The following SCAI variants were observed in gnomAD, a reference collection of about 807,000 sequenced individuals.
The protein encoded by SCAI is suppressor of cancer cell invasion, also known as protein SCAI.
Under a neutral mutation model 92.2 loss-of-function variants are expected in SCAI, and 24 were observed. The observed-to-expected ratio is 0.26, with a 90% CI of 0.19 to 0.37. SCAI has a LOEUF of 0.37. Among genes scored for constraint, SCAI ranks in the 10% least tolerant of loss-of-function variants. The pLI, the probability that SCAI is intolerant of heterozygous loss-of-function variation, is 1.00. For synonymous variants in SCAI, 261 were observed against 258.6 expected (o/e 1.01, Z -0.09); for missense variants, 450 against 736.2 (o/e 0.61, Z 4.50).
At chr9:125,143,288 G>A (rs1434525034) in intron 1 of SCAI, 97 bp downstream of exon 1, 2 of 698,916 alleles carry the variant, frequency 2.9e-6, no homozygotes, top group East Asian at 3.6e-5. Flanking sequence ...TCCGGTCTCT[G>A]CGCCCCGAAT....
chr9:125,112,680 T>A (rs1476453168), intron 2 of SCAI, among the ~76,000 whole-genome samples: 1 of 152,168 alleles, frequency 6.6e-6, no homozygotes, highest in Admixed American at 6.5e-5. Context: ...CAAACACACC[T>A]AACACCTAGC....
intron 3 of SCAI, among the ~76,000 whole-genome samples, chr9:125,035,425 G>T (rs1225882857): frequency 6.6e-6 from 1 of 152,106 alleles, no homozygotes; most frequent in Non-Finnish European, 1.5e-5. Context: ...TAGTGGGAAT[G>T]AAAATTTACC....
chr9:125,004,758 TATATATATATA>T (rs1832450131), intron 9 of SCAI, among the ~76,000 whole-genome samples: 4 of 10,038 alleles, frequency 4.0e-4, no homozygotes, highest in Non-Finnish European at 1.1e-3. Flanking sequence ...TATATATATA[TATATATATATA>T]TATATATATA....
chr9:125,089,162 T>C (rs1239029224), intron 2 of SCAI, among the ~76,000 whole-genome samples: 2 of 152,224 alleles, frequency 1.3e-5, no homozygotes, highest in African/African-American at 2.4e-5. Flanking sequence ...TCTTTTCTTA[T>C]TCTTAATTCA....
intron 2 of SCAI, among the ~76,000 whole-genome samples, chr9:125,092,025 G>C (rs973709070): frequency 2.0e-5 from 3 of 151,434 alleles, no homozygotes; most frequent in African/African-American, 7.3e-5. Context: ...AGCTACTTGG[G>C]AGGCTGAGGC....
intron 2 of SCAI, among the ~76,000 whole-genome samples, chr9:125,102,448 C>T (rs1029763958): frequency 3.9e-5 from 6 of 152,120 alleles, no homozygotes; most frequent in Non-Finnish European, 8.8e-5. Context: ...AGATCAGCTG[C>T]TCCTCCAGCC....
intron 2 of SCAI, among the ~76,000 whole-genome samples, chr9:125,113,099 T>C (rs759518627): frequency 3.9e-5 from 6 of 152,244 alleles, no homozygotes; most frequent in Middle Eastern, 3.2e-3. Context: ...ACTCTTTAAG[T>C]GTGCACTGTG....
intron 2 of SCAI, among the ~76,000 whole-genome samples, chr9:125,126,132 A>C (rs73666677): frequency 0.022 from 3,348 of 152,286 alleles, 126 homozygotes; most frequent in African/African-American, 0.076. Context: ...GGCTTGGACT[A>C]TAGTCATCCT....
chr9:125,073,140 G>T (rs596928), intron 2 of SCAI, among the ~76,000 whole-genome samples: 50,592 of 116,402 alleles, frequency 0.43, 10,842 homozygotes, highest in Middle Eastern at 0.55. Flanking sequence ...AGTCTCGCTC[G>T]GTCGCCCAGG....
rs560098784 is a variant in SCAI at position 124,959,104 on chromosome 9, T to C, written c.1675-6151A>G. Among the ~76,000 whole-genome samples, 5 of 151,758 alleles carry C rather than the reference T, an allele frequency of 3.3e-5. No individual in the cohort carries two copies. In the South Asian group the frequency reaches 8.3e-4, roughly 25 times the overall value. On this transcript the variant is annotated intron_variant, in intron 17 of 17. Coordinates refer to ENST00000336505, the MANE Select transcript of SCAI (RefSeq NM_001144877.3). ...AATTTTGTTCCCCTTCCTGTGTCCA[T>C]GTGTTCTCATTGTTCAATGGGAGGG...
At position 124,963,395 on chromosome 9, in the gene SCAI, A is replaced by G. The variant is rs563455026; in HGVS notation, c.1674+7975T>C. 1.4e-3 allele frequency among the ~76,000 whole-genome samples: 211 copies of G among 150,186 alleles called. 1 individual carries two copies. Among genetic ancestry groups the G allele is most frequent in the Non-Finnish European group, 2.3e-3 (157 of 67,428 alleles). On this transcript the variant is annotated intron_variant, in intron 17 of 17. Transcript: ENST00000336505. ...ATGATCTGCCCACCTTGGCCTCCCA[A>G]AGTGCTGGGATTACAGGCGTGAGCC... is the stretch of plus-strand genomic sequence containing the variant.
chr9:125,050,521 A>G (rs1833539376), intron 3 of SCAI, among the ~76,000 whole-genome samples: 2 of 152,206 alleles, frequency 1.3e-5, no homozygotes, highest in African/African-American at 2.4e-5. Flanking sequence ...CAAAACTGAT[A>G]AAGACAGCCC....
rs1212038844 is a variant in SCAI at position 124,947,876 on chromosome 9, T to C, written c.*4931A>G. ...TCTTTTACTCAGGGTGGGGAGGTGG[T>C]TTTGAATCACTGGCAATGGCCAAAT... On this transcript the variant is annotated 3_prime_UTR_variant, in exon 18 of 18. Transcript: ENST00000336505. 1 of 152,156 alleles carries C rather than the reference T, an allele frequency of 6.6e-6. No individual in the cohort carries two copies. The highest frequency in any genetic ancestry group is 1.9e-4 in the East Asian group (1 of 5,198). 9.4% of individuals were successfully genotyped at this position (152,156 alleles called of 1,614,324 possible).
chr9:125,123,679 G>A (rs1052534492), intron 2 of SCAI, among the ~76,000 whole-genome samples: 3 of 152,190 alleles, frequency 2.0e-5, no homozygotes, highest in African/African-American at 4.8e-5. Flanking sequence ...GGAGGCTGAG[G>A]CAGGAGAATC....
rs3222316 is a variant in SCAI at position 125,126,392 on chromosome 9, GGTGT to G, written c.98+16237_98+16240del. Among the ~76,000 whole-genome samples, 753 of 115,098 alleles carry G rather than the reference GGTGT, an allele frequency of 6.5e-3. 1 individual carries two copies. Among genetic ancestry groups the G allele is most frequent in the East Asian group, 0.018 (82 of 4,450 alleles). 75.5% of individuals were successfully genotyped at this position (115,098 alleles called of 152,430 possible). ...TTAGCCTCCCCCAAAGTGAGTTGGG[GGTGT>G]GTGTGTGTGTGTGTGTGTGTGTGTG... On this transcript the variant is annotated intron_variant, in intron 2 of 17. Coordinates refer to ENST00000336505, the MANE Select transcript of SCAI (RefSeq NM_001144877.3).
intron 3 of SCAI, among the ~76,000 whole-genome samples, chr9:125,033,353 T>C (rs1234999321): frequency 6.6e-6 from 1 of 152,098 alleles, no homozygotes; most frequent in African/African-American, 2.4e-5. Context: ...AAATAAAATA[T>C]ATAAGAGAAG....
At chr9:125,112,524 C>T (rs1834953572) in intron 2 of SCAI, among the ~76,000 whole-genome samples, 2 of 152,186 alleles carry the variant, frequency 1.3e-5, no homozygotes. Flanking sequence ...GTCATAACCG[C>T]AACACTGCTG....
chr9:125,019,119 T>C lies in SCAI; in HGVS notation c.696A>G (p.Ala232=). 1 of 1,601,472 alleles carries C rather than the reference T, an allele frequency of 6.2e-7. No individual in the cohort carries two copies. Among genetic ancestry groups the C allele is most frequent in the Non-Finnish European group, 8.5e-7 (1 of 1,173,098 alleles). ...VEWNLVLQEV[A]AFIEADPVMV... ...ATCAAAAACTGACCTCAATGAAAGC[T>C]GCTACTTCTTGAAGCACCAAGTTCC... is the stretch of plus-strand genomic sequence containing the variant. Residue 232 remains alanine (A), a synonymous_variant, in exon 8 of 18, where the codon GCA becomes GCG. Coordinates refer to ENST00000336505, the MANE Select transcript of SCAI (RefSeq NM_001144877.3).
chr9:125,037,185 C>T (rs528285696), intron 3 of SCAI, among the ~76,000 whole-genome samples: 24 of 151,928 alleles, frequency 1.6e-4, no homozygotes, highest in African/African-American at 5.6e-4. Context: ...AGGAGAATTG[C>T]TTGAAACTGG....
Sources: allele counts gnomAD v4.1 joint callset (sites outside exome capture counted in the v4.1 genomes callset), GRCh38; gene constraint gnomAD v4.1.1; transcripts MANE v1.5; gene names NCBI Gene and HGNC (gene_info 2026-07-23, HGNC 2026-07-21).